Variants in N4BP2L2 observed in about 807,000 individuals in gnomAD.
N4BP2L2 encodes NEDD4-binding protein 2-like 2.
N4BP2L2 carries 50 observed loss-of-function variants against 56.2 expected under a neutral mutation model. That is an observed-to-expected ratio of 0.89 (90% CI 0.71 to 1.13). N4BP2L2 has a LOEUF of 1.13. Among genes scored for constraint, N4BP2L2 ranks in the 50% most tolerant of loss-of-function variants. N4BP2L2 has a pLI of 0.00. For synonymous variants in N4BP2L2, 203 were observed against 223.6 expected (o/e 0.91, Z 0.82); for missense variants, 689 against 693.8 (o/e 0.99, Z 0.08).
chr13:32,537,152 C>T, intron 1 of N4BP2L2, 125 bp from the exon 2 acceptor site: 5 of 644,818 alleles, frequency 7.8e-6, no homozygotes, highest in Non-Finnish European at 1.2e-5. Flanking sequence ...GTAACAATTT[C>T]CCAAAATACC....
chr13:32,452,353 G>A (rs541872472), intron 6 of N4BP2L2, among the ~76,000 whole-genome samples: 113 of 152,010 alleles, frequency 7.4e-4, no homozygotes, highest in African/African-American at 2.5e-3. Flanking sequence ...GAGCCACTGC[G>A]CCCAGCCAGC....
chr13:32,448,804 A>T (rs2077426486), intron 6 of N4BP2L2, among the ~76,000 whole-genome samples: 1 of 152,254 alleles, frequency 6.6e-6, no homozygotes, highest in South Asian at 2.1e-4. Flanking sequence ...AAATGAAGTA[A>T]ATCTGAGATT....
rs764620824 is a variant in N4BP2L2, at chr13:32,536,754, C to G, written c.274G>C (p.Asp92His). Residue 92 changes from aspartate (D) to histidine (H), a missense_variant, in exon 2 of 6, where the codon GAT becomes CAT. By Grantham distance (81) the Asp-to-His change is moderately conservative (BLOSUM62 -1). Coordinates refer to ENST00000267068, the Ensembl canonical transcript of N4BP2L2. ...TGTGAATCAATGGATTCAATAACAT[C>G]TGGTCTATTACCAGGCATCTCATCA... is the stretch of plus-strand genomic sequence containing the variant. 3.0e-5 allele frequency: 49 copies of G among 1,614,042 alleles called. No homozygotes were observed. In the East Asian group the frequency reaches 1.1e-3, roughly 35 times the overall value.
chr13:32,475,848 G>T (rs1368333578), intron 6 of N4BP2L2, among the ~76,000 whole-genome samples: 2 of 152,116 alleles, frequency 1.3e-5, no homozygotes, highest in African/African-American at 4.8e-5. Context: ...ATGAAAATAA[G>T]TTGAAGACAG....
chr13:32,497,779 A>T (rs1283715899), intron 6 of N4BP2L2, among the ~76,000 whole-genome samples: 3 of 152,208 alleles, frequency 2.0e-5, no homozygotes, highest in Non-Finnish European at 4.4e-5. Context: ...GTTATTCAAC[A>T]AACATGACAA....
rs764666160 is a variant in N4BP2L2 at position 32,536,147 on chromosome 13, A to C, written c.881T>G (p.Phe294Cys). 2.5e-6 allele frequency: 4 copies of C among 1,614,012 alleles called. No individual in the cohort carries two copies. The South Asian group carries it at 3.3e-5, about 13-fold the overall frequency. Residue 294 changes from phenylalanine to cysteine, a missense_variant, in exon 2 of 6, where the codon TTC becomes TGC. Physicochemically the swap from Phe to Cys is radical, Grantham distance 205. Coordinates refer to ENST00000267068, the Ensembl canonical transcript of N4BP2L2. ...TGATGGTGGATTTGGTGGACCACTGAATCTCTGAATGTTTAAATGATAGTT... is the reference window on the plus strand; with the variant it reads ...TGATGGTGGATTTGGTGGACCACTGCATCTCTGAATGTTTAAATGATAGTT...
At chr13:32,535,811 A>G (rs536049689) in exon 2 of N4BP2L2, 2 of 1,614,174 alleles carry the variant, frequency 1.2e-6, no homozygotes, top group South Asian at 2.2e-5. Flanking sequence ...ACCTCTTAAA[A>G]GAATAAGTAA....
chr13:32,524,393 T>C (rs2052025309), intron 3 of N4BP2L2: 1 of 152,248 alleles, frequency 6.6e-6, no homozygotes, highest in Admixed American at 6.5e-5. Context: ...ATTATCTTCT[T>C]TCCATTATCA....
At position 32,515,826 on chromosome 13, in the gene N4BP2L2, C is replaced by G. The variant is rs2049083395; in HGVS notation, c.*1976G>C. ...AATCTCTGCTTACTGCAAACTCTGCCTCCCAGGTTCAAGCGATTCTCCCCC... is the reference window on the plus strand; with the variant it reads ...AATCTCTGCTTACTGCAAACTCTGCGTCCCAGGTTCAAGCGATTCTCCCCC... On this transcript the variant is annotated 3_prime_UTR_variant, in exon 6 of 6. Transcript: ENST00000267068. 3.3e-5 allele frequency: 5 copies of G among 152,088 alleles called. No individual in the cohort carries two copies. In the South Asian group the frequency reaches 1.0e-3, roughly 32 times the overall value. 9.4% of individuals were successfully genotyped at this position (152,088 alleles called of 1,614,324 possible). A position where few individuals can be genotyped will look rare whatever the true frequency, so the allele number is the denominator to read the frequency against.
chr13:32,525,504 C>A (rs908206827), intron 3 of N4BP2L2: 4 of 152,120 alleles, frequency 2.6e-5, no homozygotes, highest in African/African-American at 7.2e-5. Flanking sequence ...TAAAAAATAG[C>A]TGGGTGTGCT....
chr13:32,493,284 T>C (rs1263874971), intron 6 of N4BP2L2, among the ~76,000 whole-genome samples: 2 of 152,068 alleles, frequency 1.3e-5, no homozygotes, highest in African/African-American at 2.4e-5. Context: ...GTCCTTCAGT[T>C]CTGACTTCTT....
At chr13:32,444,181 G>T in intron 6 of N4BP2L2, 1 of 1,324,282 alleles carries the variant, frequency 7.6e-7, no homozygotes, top group East Asian at 2.4e-5. Flanking sequence ...TATAACATAA[G>T]CAAACTATAA....
At chr13:32,463,673 A>T (rs1331072007) in intron 6 of N4BP2L2, among the ~76,000 whole-genome samples, 1 of 151,286 alleles carries the variant, frequency 6.6e-6, no homozygotes, top group Non-Finnish European at 1.5e-5. Flanking sequence ...CAAAAAAAAA[A>T]AAAAAAAAGG....
intron 5 of N4BP2L2, among the ~76,000 whole-genome samples, chr13:32,519,244 C>CAAA (rs568918720): frequency 0.05 from 5,652 of 113,212 alleles, 395 homozygotes; most frequent in African/African-American, 0.17. Context: ...CCGTCTCTAC[C>CAAA]AAAAAAAAAA....
At position 32,536,692 on chromosome 13, in the gene N4BP2L2, T is replaced by C. The variant is rs138296064; in HGVS notation, c.336A>G (p.Ala112=). The C allele has an allele frequency of 6.4e-5, 103 of 1,614,170 alleles. No individual in the cohort carries two copies. The African/African-American group carries it at 1.2e-3, about 18-fold the overall frequency. Residue 112 remains alanine, a synonymous_variant, in exon 2 of 6, where the codon GCA becomes GCG. Coordinates refer to ENST00000267068, the Ensembl canonical transcript of N4BP2L2. The stretch of plus-strand genomic sequence containing the variant: ...TACTTGTGCTATATATCTCATCGTC[T>C]GCGGATACTAATGGAGGACGTGCTT...
At chr13:32,475,577 G>A (rs779148149) in intron 6 of N4BP2L2, among the ~76,000 whole-genome samples, 2 of 152,120 alleles carry the variant, frequency 1.3e-5, no homozygotes, top group African/African-American at 2.4e-5. Context: ...TATGCAAATG[G>A]ACATTCCAGT....
chr13:32,461,618 T>TA (rs1264568638), intron 6 of N4BP2L2, among the ~76,000 whole-genome samples: 1 of 152,074 alleles, frequency 6.6e-6, no homozygotes, highest in Non-Finnish European at 1.5e-5. Flanking sequence ...TATTATTATT[T>TA]AGAGACAGGG....
chr13:32,496,990 G>C (rs743760), intron 6 of N4BP2L2, among the ~76,000 whole-genome samples: 38,687 of 152,150 alleles, frequency 0.25, 6,206 homozygotes, highest in Non-Finnish European at 0.35. Context: ...TATTACAGTA[G>C]GTAGGGTTAG....
chr13:32,483,424 A>G (rs1187534682), intron 6 of N4BP2L2, among the ~76,000 whole-genome samples: 1 of 152,240 alleles, frequency 6.6e-6, no homozygotes, highest in East Asian at 1.9e-4. Flanking sequence ...TTTCCTCATT[A>G]AAGCTATTAA....
Sources: gnomAD v4.1 joint callset for allele counts (sites outside exome capture counted in the v4.1 genomes callset) on GRCh38, gnomAD v4.1.1 for gene constraint, MANE v1.5 for transcripts, NCBI Gene and HGNC (gene_info 2026-07-23, HGNC 2026-07-21) for gene names.